SAMMSON: variants seen among roughly 807,000 people sequenced by gnomAD.
SAMMSON encodes long intergenic non-protein coding RNA 1212.
chr3:70,067,518 G>A (rs2067214565), intron 3 of SAMMSON, among the ~76,000 whole-genome samples: 1 of 152,006 alleles, frequency 6.6e-6, no homozygotes. Flanking sequence ...TGGAACTAAA[G>A]AAAGGAGGGT....
chr3:70,133,324 T>C (rs1436365403), intron 4 of SAMMSON, among the ~76,000 whole-genome samples: 1 of 152,060 alleles, frequency 6.6e-6, no homozygotes, highest in Non-Finnish European at 1.5e-5. Flanking sequence ...AAGGACAGGG[T>C]TCAGAGAGCT....
intron 7 of SAMMSON, among the ~76,000 whole-genome samples, chr3:70,320,455 T>C (rs1266866000): frequency 2.6e-5 from 4 of 152,074 alleles, no homozygotes; most frequent in African/African-American, 2.4e-5. Context: ...TGGGGTCAAA[T>C]GCTAAATTAA....
chr3:70,010,783 A>T (rs1461414765), intron 1 of SAMMSON, among the ~76,000 whole-genome samples: 3 of 152,140 alleles, frequency 2.0e-5, no homozygotes, highest in Non-Finnish European at 2.9e-5. Flanking sequence ...GCCTCAGGAA[A>T]CTTACAAACA....
At chr3:70,011,299 A>G (rs9841408) in intron 1 of SAMMSON, among the ~76,000 whole-genome samples, 6,651 of 152,212 alleles carry the variant, frequency 0.044, 422 homozygotes, top group African/African-American at 0.14. Flanking sequence ...GCAGAGCAAT[A>G]CAATTTTCCT....
At chr3:70,312,977 G>A (rs9820666) in intron 7 of SAMMSON, among the ~76,000 whole-genome samples, 2,017 of 152,190 alleles carry the variant, frequency 0.013, 32 homozygotes, top group African/African-American at 0.045. Context: ...GAAAAGAAAG[G>A]GAAACCTTTA....
intron 3 of SAMMSON, among the ~76,000 whole-genome samples, chr3:70,035,556 A>T (rs1337008587): frequency 6.6e-6 from 1 of 152,160 alleles, no homozygotes; most frequent in African/African-American, 2.4e-5. Context: ...AGCAAATGTT[A>T]TGCAACTCCG....
intron 4 of SAMMSON, among the ~76,000 whole-genome samples, chr3:70,209,455 T>C (rs947541420): frequency 6.6e-6 from 1 of 152,044 alleles, no homozygotes; most frequent in African/African-American, 2.4e-5. Flanking sequence ...TTATTGAACT[T>C]AAGCATCACA....
intron 1 of SAMMSON, among the ~76,000 whole-genome samples, chr3:70,006,863 G>A (rs145539242): frequency 0.042 from 5,814 of 137,914 alleles, 383 homozygotes; most frequent in African/African-American, 0.15. Flanking sequence ...TGCTCTCATT[G>A]TTCAATTCCC....
chr3:70,020,952 C>T (rs2067010891), intron 3 of SAMMSON, among the ~76,000 whole-genome samples: 2 of 152,124 alleles, frequency 1.3e-5, no homozygotes, highest in South Asian at 4.1e-4. Flanking sequence ...GAACCAAGTT[C>T]TGAAAGTGTT....
intron 4 of SAMMSON, among the ~76,000 whole-genome samples, chr3:70,124,790 A>G (rs7618296): frequency 0.55 from 75,915 of 137,946 alleles, 22,095 homozygotes; most frequent in East Asian, 0.94. Context: ...ACTCCAGCCC[A>G]GGCAACAGAG....
chr3:70,298,663 G>T (rs1702315370), intron 7 of SAMMSON, among the ~76,000 whole-genome samples: 1 of 152,024 alleles, frequency 6.6e-6, no homozygotes, highest in Non-Finnish European at 1.5e-5. Context: ...ATGAGTAATA[G>T]GTTTAAAAAT....
At chr3:70,266,660 G>T (rs1331066105) in intron 6 of SAMMSON, among the ~76,000 whole-genome samples, 1 of 151,874 alleles carries the variant, frequency 6.6e-6, no homozygotes, top group African/African-American at 2.4e-5. Flanking sequence ...TGCCCATGCT[G>T]GTCTCAAACT....
At chr3:70,250,895 G>A (rs1701759027) in intron 6 of SAMMSON, among the ~76,000 whole-genome samples, 1 of 152,078 alleles carries the variant, frequency 6.6e-6, no homozygotes, top group Admixed American at 6.6e-5. Flanking sequence ...AAAATATATA[G>A]TACATTTGGC....
intron 3 of SAMMSON, among the ~76,000 whole-genome samples, chr3:70,028,876 G>A (rs910305279): frequency 5.9e-5 from 9 of 152,164 alleles, no homozygotes; most frequent in African/African-American, 2.2e-4. Context: ...ATTTGTCATT[G>A]CCAGCTACTG....
At chr3:70,013,941 G>A (rs368301843) in intron 3 of SAMMSON, 1 of 152,278 alleles carries the variant, frequency 6.6e-6, no homozygotes, top group East Asian at 1.9e-4. Context: ...CTCAAGTCCA[G>A]AAACCAGAAG....
intron 1 of SAMMSON, among the ~76,000 whole-genome samples, chr3:70,004,367 A>AG (rs1421473285): frequency 6.6e-6 from 1 of 152,198 alleles, no homozygotes; most frequent in Non-Finnish European, 1.5e-5. Context: ...AAAGCCTATT[A>AG]GTTCAGAAGG....
intron 7 of SAMMSON, among the ~76,000 whole-genome samples, chr3:70,348,280 A>C (rs1422412531): frequency 1.3e-5 from 2 of 152,202 alleles, no homozygotes; most frequent in Admixed American, 1.3e-4. Context: ...GGTCATGGAC[A>C]GAGGGAATAA....
At chr3:70,060,262 G>A (rs960793339) in intron 3 of SAMMSON, among the ~76,000 whole-genome samples, 7 of 152,098 alleles carry the variant, frequency 4.6e-5, no homozygotes, top group Admixed American at 1.3e-4. Flanking sequence ...CTTATGGAGT[G>A]TTTGGCCTAG....
Position 70,099,857 on chromosome 3 carries a change from C to T in SAMMSON, n.507+28292C>T, listed in dbSNP as rs2067335856. On this transcript the variant is annotated intron_variant and non_coding_transcript_variant, in intron 4 of 9. Transcript: ENST00000642114. ...TCTGGGGAGTTTTTGCTACCCTGCA[C>T]CGTCCCTCTCTGTGTACTTGCATGT... 6.6e-5 allele frequency among the ~76,000 whole-genome samples: 10 copies of T among 152,292 alleles called. 1 individual carries two copies. In the South Asian group the frequency reaches 2.1e-3, roughly 32 times the overall value.
Sources: gnomAD v4.1 joint callset for allele counts (sites outside exome capture counted in the v4.1 genomes callset) on GRCh38, gnomAD v4.1.1 for gene constraint, MANE v1.5 for transcripts, NCBI Gene and HGNC (gene_info 2026-07-23, HGNC 2026-07-21) for gene names.